Variants in MMRN2 observed in about 807,000 individuals in gnomAD.
The protein encoded by MMRN2 is multimerin-2.
MMRN2 carries 53 observed loss-of-function variants against 68.8 expected under a neutral mutation model. That is an observed-to-expected ratio of 0.77 (90% CI 0.62 to 0.97). The LOEUF is 0.97. Among genes scored for constraint, MMRN2 ranks in the 50% least tolerant of loss-of-function variants. The pLI is 0.00. For synonymous variants in MMRN2, 564 were observed against 551.6 expected, an observed-to-expected ratio of 1.02 and a Z score of -0.32; for missense variants, 1,266 against 1,259.5, an observed-to-expected ratio of 1.01 and a Z score of -0.08.
In MMRN2 at chr10:86,942,643, C is replaced by A; in HGVS notation, c.2141G>T (p.Cys714Phe). The A allele has an allele frequency of 1.3e-6, 2 of 1,598,288 alleles. No individual in the cohort carries two copies. Among genetic ancestry groups the A allele is most frequent in the Non-Finnish European group, 1.7e-6 (2 of 1,178,650 alleles). ...LSNDVKNVGRCCEAEAGAGAA... is the reference protein window; with the variant it reads ...LSNDVKNVGRFCEAEAGAGAA... Reference sequence around the variant, plus strand: ...CCCGGCCCCGGCCTCGGCCTCGCAGCACCGCCCGACATTCTTGACGTCGTT... The same window carrying A: ...CCCGGCCCCGGCCTCGGCCTCGCAGAACCGCCCGACATTCTTGACGTCGTT... The change falls in exon 6 of 7, where the codon TGC (cysteine) becomes TTC (phenylalanine). Residue 714 changes from cysteine (C) to phenylalanine (F), a missense_variant. Coordinates refer to ENST00000372027, the MANE Select transcript of MMRN2 (RefSeq NM_024756.3).
chr10:86,943,307 T>G lies in MMRN2; in HGVS notation c.1477A>C (p.Asn493His). 6.2e-7 allele frequency: 1 copy of G among 1,613,806 alleles called. No individual in the cohort carries two copies. ...AGGTCTAAATAGAGCTTCTGGCAAT[T>G]GCAGTCCTTCACGTACTTGATGAGG... ...ADLIKYVKDC[N>H]CQKLYLDLDV... Residue 493 changes from asparagine (N) to histidine (H), a missense_variant, in exon 6 of 7, where the codon AAT (asparagine) becomes CAT (histidine). By Grantham distance (68) the Asn-to-His change is moderately conservative (BLOSUM62 1). Coordinates refer to ENST00000372027, the MANE Select transcript of MMRN2 (RefSeq NM_024756.3). This position sits in a 1 kb window ranked among gnomAD's most constrained non-coding sequence, Gnocchi z 4.2.
intron 1 of MMRN2, among the ~76,000 whole-genome samples, chr10:86,950,508 C>T (rs1357214861): frequency 6.6e-6 from 1 of 152,070 alleles, no homozygotes; most frequent in African/African-American, 2.4e-5. Flanking sequence ...CAGAGAAAAT[C>T]AAGAAAGAGA....
intron 6 of MMRN2, among the ~76,000 whole-genome samples, chr10:86,938,193 C>CA (rs1843907906): frequency 6.6e-6 from 1 of 152,334 alleles, no homozygotes; most frequent in African/African-American, 2.4e-5. Context: ...CTCAACCCCG[C>CA]AAAGTGCTGG....
intron 1 of MMRN2, among the ~76,000 whole-genome samples, chr10:86,951,532 A>G (rs1426067830): frequency 6.6e-6 from 1 of 152,138 alleles, no homozygotes; most frequent in African/African-American, 2.4e-5. Flanking sequence ...CATCTACTCA[A>G]CTCTGCCATT....
At chr10:86,946,706 C>CA (rs1844074863) in intron 1 of MMRN2, among the ~76,000 whole-genome samples, 1 of 152,184 alleles carries the variant, frequency 6.6e-6, no homozygotes, top group South Asian at 2.1e-4. Flanking sequence ...CAGAGCTCGT[C>CA]AGAGTTGAAA....
intron 1 of MMRN2, among the ~76,000 whole-genome samples, chr10:86,947,408 C>T (rs1326750878): frequency 1.3e-5 from 2 of 151,864 alleles, no homozygotes; most frequent in Non-Finnish European, 2.9e-5. Flanking sequence ...CGCACTGTCG[C>T]TTGGGCTGGA....
chr10:86,942,510 G>T lies in MMRN2; in HGVS notation c.2274C>A (p.Phe758Leu), dbSNP rs745461923. 6.2e-7 allele frequency: 1 copy of T among 1,613,984 alleles called. No homozygotes were observed. The highest frequency in any genetic ancestry group is 8.5e-7 in the Non-Finnish European group (1 of 1,180,006). The change falls in exon 6 of 7, where the codon TTC (phenylalanine) becomes TTA (leucine). Residue 758 changes from phenylalanine (F) to leucine (L), a missense_variant. Phe to Leu is a conservative substitution (Grantham distance 22, BLOSUM62 0). Coordinates refer to ENST00000372027, the MANE Select transcript of MMRN2 (RefSeq NM_024756.3). ...QRLFHSLFGN[F>L]QGLMEANVSL... ...TGACGTTGGCTTCCATGAGCCCTTG[G>T]AAGTTCCCAAAGAGGCTGTGGAAGA...
At chr10:86,945,862 T>C in intron 1 of MMRN2, 173 bp from the exon 2 acceptor site, 1 of 1,440,048 alleles carries the variant, frequency 6.9e-7, no homozygotes, top group Non-Finnish European at 9.1e-7. Flanking sequence ...AGAGCAAATG[T>C]TTCACAATCC....
At chr10:86,937,558 CT>C (rs1843899135) in intron 6 of MMRN2, among the ~76,000 whole-genome samples, 1 of 151,726 alleles carries the variant, frequency 6.6e-6, no homozygotes, top group Non-Finnish European at 1.5e-5. Flanking sequence ...AAATGTTGGG[CT>C]TGCAGGTGAG....
In MMRN2 at chr10:86,939,806, G is replaced by GGTGT. The variant is rs769816445; in HGVS notation, c.2467+2507_2467+2510dup. ...TACAAACAAATAAAGGGAAATTTGG[G>GGTGT]GTGTGTGTGTGTGTGTGTGTGTGTG... On this transcript the variant is annotated intron_variant, in intron 6 of 6. Transcript: ENST00000372027. Among the ~76,000 whole-genome samples the GGTGT allele has an allele frequency of 2.1e-3, 310 of 146,714 alleles. 2 individuals carry two copies. The highest frequency in any genetic ancestry group is 3.7e-3 in the Admixed American group (55 of 14,732).
intron 6 of MMRN2, among the ~76,000 whole-genome samples, chr10:86,938,991 C>CAT (rs1843917449): frequency 6.6e-6 from 1 of 150,644 alleles, no homozygotes; most frequent in Non-Finnish European, 1.5e-5. Flanking sequence ...GGAGAAATCC[C>CAT]ATCTCTACTA....
At chr10:86,951,092 GA>G (rs199745546) in intron 1 of MMRN2, among the ~76,000 whole-genome samples, 6 of 150,410 alleles carry the variant, frequency 4.0e-5, no homozygotes, top group Admixed American at 1.3e-4. Context: ...CCATCTCAAA[GA>G]AAAAAAAAGA....
At chr10:86,940,014 C>G (rs1313366028) in intron 6 of MMRN2, among the ~76,000 whole-genome samples, 4 of 120,010 alleles carry the variant, frequency 3.3e-5, no homozygotes, top group Non-Finnish European at 6.7e-5. Flanking sequence ...CCACACCGGG[C>G]TAATTTTTTT....
chr10:86,944,052 G>T lies in MMRN2; in HGVS notation c.732C>A (p.Ile244=). The part of the protein sequence containing the change: ...DTFLQVHFSP[I]WRSFNQSLHS... ...GCAGGCTTTGGTTAAAGCTCCTCCA[G>T]ATGGGGCTGAAATGCACTTGTAGGA... The change falls in exon 6 of 7, where the codon ATC becomes ATA. Residue 244 remains isoleucine, a synonymous_variant. Transcript: ENST00000372027. 6.2e-7 allele frequency: 1 copy of T among 1,614,174 alleles called. No homozygotes were observed. The highest frequency in any genetic ancestry group is 8.5e-7 in the Non-Finnish European group (1 of 1,180,038).
chr10:86,941,776 G>A (rs1843970653), intron 6 of MMRN2, among the ~76,000 whole-genome samples: 1 of 136,822 alleles, frequency 7.3e-6, no homozygotes. Context: ...CTCAAGCCTG[G>A]ACGACAAAGT....
At chr10:86,938,397 C>T (rs1843910016) in intron 6 of MMRN2, among the ~76,000 whole-genome samples, 1 of 152,246 alleles carries the variant, frequency 6.6e-6, no homozygotes, top group South Asian at 2.1e-4. Context: ...AGGACAGGAA[C>T]ACTGACAGAA....
At position 86,937,017 on chromosome 10, in the gene MMRN2, T is replaced by C; in HGVS notation, c.2576A>G (p.His859Arg). ...ACGCTCAGGGGCTCGGAAGTAGCCA[T>C]GTTCAGGGAAGTAGCTGCTGCCAAT... ...INIGSSYFPE[H>R]GYFRAPERGV... Residue 859 changes from histidine (H) to arginine (R), a missense_variant, in exon 7 of 7, where the codon CAT becomes CGT. Physicochemically the swap from His to Arg is conservative, Grantham distance 29 (BLOSUM62 0). Coordinates refer to ENST00000372027, the MANE Select transcript of MMRN2 (RefSeq NM_024756.3). 6.2e-7 allele frequency: 1 copy of C among 1,614,224 alleles called. No homozygotes were observed. Among genetic ancestry groups the C allele is most frequent in the Non-Finnish European group, 8.5e-7 (1 of 1,180,034 alleles).
intron 1 of MMRN2, among the ~76,000 whole-genome samples, chr10:86,947,858 A>G (rs577840858): frequency 1.3e-5 from 2 of 152,304 alleles, no homozygotes; most frequent in East Asian, 1.9e-4. Flanking sequence ...AGGAGTATTC[A>G]TACACCCCAG....
intron 6 of MMRN2, among the ~76,000 whole-genome samples, chr10:86,937,785 G>A (rs1368451403): frequency 3.9e-5 from 6 of 152,308 alleles, no homozygotes; most frequent in East Asian, 1.9e-4. Flanking sequence ...AGGGGAGAGG[G>A]AGAAAATATC....
Sources: gnomAD v4.1 joint callset for allele counts (sites outside exome capture counted in the v4.1 genomes callset) on GRCh38, gnomAD v4.1.1 for gene constraint, Gnocchi (gnomAD v3.1) non-coding constraint, MANE v1.5 for transcripts, NCBI Gene and HGNC (gene_info 2026-07-23, HGNC 2026-07-21) for gene names.